The following CPVL variants were observed in gnomAD, a reference collection of about 807,000 sequenced individuals.
The protein encoded by CPVL is probable serine carboxypeptidase CPVL.
A neutral mutation model predicts 63.7 loss-of-function variants in CPVL; 51 were observed. The ratio of observed to expected loss-of-function variants is 0.80; its 90% CI spans 0.64 to 1.01. The LOEUF is 1.01. Among genes scored for constraint, CPVL ranks in the 50% least tolerant of loss-of-function variants. The probability of loss-of-function intolerance (pLI) is 0.00; values close to 1 mark genes in which losing one functional copy is unlikely to be tolerated. For missense variants in CPVL, 530 were observed against 573.1 expected, an observed-to-expected ratio of 0.92 and a Z score of 0.77; for synonymous variants, 195 against 206.0, an observed-to-expected ratio of 0.95 and a Z score of 0.46.
At chr7:29,068,007 C>CTT (rs773666067) in intron 9 of CPVL, among the ~76,000 whole-genome samples, 11 of 141,392 alleles carry the variant, frequency 7.8e-5, no homozygotes, top group African/African-American at 1.0e-4. Flanking sequence ...TATTCATATT[C>CTT]TTTTTTTTTT....
intron 5 of CPVL, among the ~76,000 whole-genome samples, chr7:29,093,112 G>A (rs1024308977): frequency 2.9e-4 from 44 of 152,190 alleles, no homozygotes; most frequent in Non-Finnish European, 4.3e-4. Context: ...CTTGGTTGGC[G>A]CAGTGGCTCA....
intron 7 of CPVL, among the ~76,000 whole-genome samples, chr7:29,075,179 T>C (rs1255709550): frequency 6.6e-6 from 1 of 152,122 alleles, no homozygotes; most frequent in Non-Finnish European, 1.5e-5. Flanking sequence ...TAGGTAGTCA[T>C]GACAAACGTA....
intron 1 of CPVL, 55 bp from the exon 2 acceptor site, chr7:29,121,126 C>A: frequency 6.9e-7 from 1 of 1,446,072 alleles, no homozygotes. Context: ...ATTTACCTGG[C>A]CCTTTTACAT....
At chr7:29,142,208 T>C (rs1785123763) in intron 1 of CPVL, among the ~76,000 whole-genome samples, 2 of 152,220 alleles carry the variant, frequency 1.3e-5, no homozygotes, top group South Asian at 2.1e-4. Context: ...ACACTGTAGA[T>C]AAACAGGCAT....
At chr7:29,116,046 A>G (rs900795128) in intron 2 of CPVL, among the ~76,000 whole-genome samples, 2 of 152,110 alleles carry the variant, frequency 1.3e-5, no homozygotes, top group Admixed American at 6.5e-5. Flanking sequence ...ATACCTTGGG[A>G]CTCGGCATGC....
chr7:29,169,065 ATGGATATATAAGAAAT>A (rs556776701), intron 5 of CPVL, among the ~76,000 whole-genome samples: 2,520 of 152,286 alleles, frequency 0.017, 52 homozygotes, highest in African/African-American at 0.057. Context: ...GGCAATTCTA[ATGGATATATAAGAAAT>A]TTATCTCCCA....
chr7:29,118,651 G>A (rs140722107), intron 2 of CPVL, among the ~76,000 whole-genome samples: 6 of 152,306 alleles, frequency 3.9e-5, no homozygotes, highest in South Asian at 2.1e-4. Flanking sequence ...GAATGTCTTC[G>A]TGTAAAACGA....
Position 29,060,907 on chromosome 7 carries a change from C to T in CPVL, c.1137+3154G>A, listed in dbSNP as rs555711135. On this transcript the variant is annotated intron_variant, in intron 11 of 12. Coordinates refer to ENST00000265394, the MANE Select transcript of CPVL (RefSeq NM_031311.5). ...TAAGCCAACCTAGGTTGTTCTGATT[C>T]CCGTTCTGAACACTGAGGTTCAACA... Among the ~76,000 whole-genome samples, 206 of 152,274 alleles carry T rather than the reference C, an allele frequency of 1.4e-3. 1 individual carries two copies. Among genetic ancestry groups the T allele is most frequent in the African/African-American group, 4.8e-3 (200 of 41,558 alleles).
At chr7:29,025,268 G>C (rs951308201) in intron 12 of CPVL, among the ~76,000 whole-genome samples, 1 of 151,336 alleles carries the variant, frequency 6.6e-6, no homozygotes, top group Admixed American at 6.6e-5. Context: ...GGCTATACAA[G>C]TATGGCACCA....
intron 5 of CPVL, among the ~76,000 whole-genome samples, chr7:29,170,754 A>C (rs1562805924): frequency 6.6e-6 from 1 of 152,226 alleles, no homozygotes; most frequent in Non-Finnish European, 1.5e-5. Context: ...AAAGAGGTTT[A>C]ATTGGACTTA....
chr7:28,996,320 T>C (rs1164419778), intron 12 of CPVL: 2 of 154,536 alleles, frequency 1.3e-5, no homozygotes, highest in African/African-American at 2.4e-5. Context: ...GCCAGCCCAA[T>C]TGTCCCTCAC....
At position 29,092,643 on chromosome 7, in the gene CPVL, A is replaced by C. The variant is rs369227442; in HGVS notation, c.522T>G (p.Asp174Glu). Residue 174 changes from aspartate to glutamate, a missense_variant, in exon 6 of 13, where the codon GAT becomes GAG. Transcript: ENST00000265394. ...TTTACCTGTATAAATCCCGTGCTACATCGTCCTCATTGACTGCATATCCGT... is the reference window on the plus strand; with the variant it reads ...TTTACCTGTATAAATCCCGTGCTACCTCGTCCTCATTGACTGCATATCCGT... ...DTHGYAVNED[D>E]VARDLYSALI... The C allele has an allele frequency of 1.2e-6, 2 of 1,613,600 alleles. No homozygotes were observed. Among genetic ancestry groups the C allele is most frequent in the African/African-American group, 2.7e-5 (2 of 74,924 alleles).
chr7:29,057,091 C>A (rs572348669), intron 11 of CPVL, among the ~76,000 whole-genome samples: 1 of 151,750 alleles, frequency 6.6e-6, no homozygotes, highest in South Asian at 2.1e-4. Context: ...GCCATGACTA[C>A]AGGTGCACAC....
At chr7:29,049,549 A>T (rs1019404274) in intron 11 of CPVL, among the ~76,000 whole-genome samples, 1 of 152,176 alleles carries the variant, frequency 6.6e-6, no homozygotes, top group Non-Finnish European at 1.5e-5. Flanking sequence ...AAAAAAGTCC[A>T]GAACCAGATA....
intron 3 of CPVL, among the ~76,000 whole-genome samples, chr7:29,106,162 G>A (rs1787699029): frequency 6.6e-6 from 1 of 152,182 alleles, no homozygotes; most frequent in South Asian, 2.1e-4. Flanking sequence ...AGAGACTCAG[G>A]AGGCTGGGAG....
At chr7:29,090,269 C>T (rs1249470681) in intron 6 of CPVL, among the ~76,000 whole-genome samples, 2 of 152,156 alleles carry the variant, frequency 1.3e-5, no homozygotes, top group African/African-American at 4.8e-5. Flanking sequence ...CAACAGGAAT[C>T]CTGGCAGTGC....
intron 12 of CPVL, among the ~76,000 whole-genome samples, chr7:29,015,959 T>C (rs2128138937): frequency 6.6e-6 from 1 of 152,320 alleles, no homozygotes; most frequent in Middle Eastern, 3.4e-3. Flanking sequence ...AAAAAGTGTG[T>C]GGTAGACCGT....
At chr7:29,142,507 T>A (rs1018049809) in intron 1 of CPVL, among the ~76,000 whole-genome samples, 2 of 148,548 alleles carry the variant, frequency 1.3e-5, no homozygotes, top group African/African-American at 2.5e-5. Context: ...TCAAACTTCC[T>A]CCTTCTATGA....
At chr7:29,152,409 CT>C (rs1169012370) in intron 5 of CPVL, among the ~76,000 whole-genome samples, 9 of 152,160 alleles carry the variant, frequency 5.9e-5, no homozygotes, top group African/African-American at 2.2e-4. Context: ...TCTCTTTGTT[CT>C]CTATTCTCAG....
Sources: gnomAD v4.1 joint callset for allele counts (sites outside exome capture counted in the v4.1 genomes callset) on GRCh38, gnomAD v4.1.1 for gene constraint, MANE v1.5 for transcripts, NCBI Gene and HGNC (gene_info 2026-07-23, HGNC 2026-07-21) for gene names.